The following SAMHD1 variants were observed in gnomAD, a reference collection of about 807,000 sequenced individuals.
SAMHD1 encodes deoxynucleoside triphosphate triphosphohydrolase SAMHD1.
Under a neutral mutation model 79.6 loss-of-function variants are expected in SAMHD1, and 54 were observed. That is an observed-to-expected ratio of 0.68 (90% CI 0.55 to 0.85). The LOEUF (loss-of-function observed/expected upper bound fraction) is 0.85. SAMHD1 is among the 40% of genes least tolerant of loss of function. The pLI is 0.00. For synonymous variants in SAMHD1, 260 were observed against 264.1 expected (o/e 0.98, Z 0.15); for missense variants, 663 against 782.7 (o/e 0.85, Z 1.82).
chr20:36,937,855 GGTTT>G (rs1249781490), intron 3 of SAMHD1, among the ~76,000 whole-genome samples: 6 of 125,350 alleles, frequency 4.8e-5, no homozygotes, highest in Non-Finnish European at 7.8e-5. Flanking sequence ...AAACAATGTT[GGTTT>G]GTTTTTTTTT....
intron 1 of SAMHD1, among the ~76,000 whole-genome samples, chr20:36,948,627 G>C (rs1186084181): frequency 6.6e-6 from 1 of 151,556 alleles, no homozygotes; most frequent in Non-Finnish European, 1.5e-5. Flanking sequence ...CCAGCACTTT[G>C]GGAGGCCAAG....
intron 15 of SAMHD1, chr20:36,893,798 T>C (rs1319868725): frequency 5.0e-6 from 2 of 398,110 alleles, no homozygotes; most frequent in East Asian, 3.6e-5. Context: ...GCTTATTTGC[T>C]CTCAGATCCA....
chr20:36,907,539 CTTT>C (rs71186087), intron 11 of SAMHD1, among the ~76,000 whole-genome samples: 5 of 125,852 alleles, frequency 4.0e-5, no homozygotes, highest in Admixed American at 8.8e-5. Flanking sequence ...ATAAAGATGA[CTTT>C]TTTTTTTTTT....
chr20:36,943,712 G>A (rs561137604), intron 2 of SAMHD1, among the ~76,000 whole-genome samples: 1 of 152,268 alleles, frequency 6.6e-6, no homozygotes, highest in Admixed American at 6.5e-5. Context: ...AGGTCAAATA[G>A]TAAGCAACTA....
At chr20:36,947,209 T>C (rs2063692347) in intron 1 of SAMHD1, 1 of 245,616 alleles carries the variant, frequency 4.1e-6, no homozygotes, top group Admixed American at 5.2e-5. Flanking sequence ...AAGTCTATTG[T>C]TCTTAGAATT....
chr20:36,912,095 C>A, intron 10 of SAMHD1: 2 of 242,394 alleles, frequency 8.3e-6, no homozygotes, highest in Non-Finnish European at 1.6e-5. Context: ...TGTCATTAAT[C>A]TCAGAATTTA....
intron 6 of SAMHD1, 29 bp from the exon 7 acceptor site, chr20:36,919,548 T>C (rs199629731): frequency 1.6e-5 from 25 of 1,610,392 alleles, no homozygotes; most frequent in Admixed American, 8.3e-5. Flanking sequence ...ATATGATGTG[T>C]TAAAGATTCT....
At position 36,899,418 on chromosome 20, in the gene SAMHD1, A is replaced by G. The variant is rs571259851; in HGVS notation, c.1504-874T>C. On this transcript the variant is annotated intron_variant, in intron 13 of 15. Coordinates refer to ENST00000646673, the MANE Select transcript of SAMHD1 (RefSeq NM_015474.4). ...ACTCCAGCCTAGGCAACAGAGCAAG[A>G]CTCTGCCTCCAAAAATAAATAAGTA... is the stretch of plus-strand genomic sequence containing the variant. 5.9e-5 allele frequency among the ~76,000 whole-genome samples: 9 copies of G among 152,182 alleles called. 1 individual carries two copies. The South Asian group carries it at 1.7e-3, about 28-fold the overall frequency.
At chr20:36,946,040 TGGGAGGCCGAGGCAAGC>T (rs1253735338) in intron 2 of SAMHD1, among the ~76,000 whole-genome samples, 1 of 151,784 alleles carries the variant, frequency 6.6e-6, no homozygotes, top group African/African-American at 2.4e-5. Context: ...CTCAGCACTT[TGGGAGGCCGAGGCAAGC>T]GGATCACTTG....
chr20:36,941,122 A>G lies in SAMHD1; in HGVS notation c.276-11T>C. The G allele has an allele frequency of 6.3e-7, 1 of 1,587,348 alleles. No homozygotes were observed. The highest frequency in any genetic ancestry group is 8.6e-7 in the Non-Finnish European group (1 of 1,156,094). On this transcript the variant is annotated splice_polypyrimidine_tract_variant and intron_variant, in intron 2 of 15. Transcript: ENST00000646673. ...CTCTCCCCCAAGGAACTAAAATTAC[A>G]ATAGGATAAGCAAGTCTATCATTAT...
At chr20:36,906,248 G>C (rs1484902705) in intron 11 of SAMHD1, among the ~76,000 whole-genome samples, 9 of 152,164 alleles carry the variant, frequency 5.9e-5, no homozygotes, top group Non-Finnish European at 1.2e-4. Context: ...GACCAGCCTG[G>C]CCAACATGGC....
At chr20:36,893,607 G>A (rs1040383234) in intron 15 of SAMHD1, 4 of 336,790 alleles carry the variant, frequency 1.2e-5, no homozygotes, top group African/African-American at 4.3e-5. Flanking sequence ...TCCAAAGGGA[G>A]GCGATACAAT....
intron 9 of SAMHD1, among the ~76,000 whole-genome samples, chr20:36,913,455 T>C (rs1301480670): frequency 3.3e-5 from 5 of 151,300 alleles, no homozygotes; most frequent in Non-Finnish European, 7.4e-5. Context: ...ATACAAAAAT[T>C]AGCCGGGCAT....
Position 36,916,721 on chromosome 20 carries a change from C to T in SAMHD1, c.1062+1G>A. 6.2e-7 allele frequency: 1 copy of T among 1,605,300 alleles called. No homozygotes were observed. Among genetic ancestry groups the T allele is most frequent in the Non-Finnish European group, 8.5e-7 (1 of 1,172,056 alleles). ...TTATTGCCTCCTCTGGCACAGCTTA[C>T]CTTATCTCTAGCACAAATACGCAAC... On this transcript the variant is annotated splice_donor_variant, in intron 9 of 15. Transcript: ENST00000646673. LOFTEE classifies it high-confidence loss of function.
rs1568782455 is a variant in SAMHD1 at position 36,941,120 on chromosome 20, A to G, written c.276-9T>C. 1 of 1,588,448 alleles carries G rather than the reference A, an allele frequency of 6.3e-7. No individual in the cohort carries two copies. The highest frequency in any genetic ancestry group is 8.6e-7 in the Non-Finnish European group (1 of 1,157,062). On this transcript the variant is annotated splice_polypyrimidine_tract_variant and intron_variant, in intron 2 of 15. Transcript: ENST00000646673. ...TCCTCTCCCCCAAGGAACTAAAATT[A>G]CAATAGGATAAGCAAGTCTATCATT...
chr20:36,928,379 A>T (rs993931462), intron 5 of SAMHD1, among the ~76,000 whole-genome samples: 1 of 148,364 alleles, frequency 6.7e-6, no homozygotes, highest in Non-Finnish European at 1.5e-5. Flanking sequence ...ACAGAGCAAG[A>T]CTCCATCTCA....
In SAMHD1 at chr20:36,920,494, C is replaced by T. The variant is rs139275395; in HGVS notation, c.697-975G>A. Reference sequence around the variant, plus strand: ...GAATCAGGGCTGTCAGGCCTGGGTGCGGTGGCTCACACCTGTAATCCCAGC... The same window carrying T: ...GAATCAGGGCTGTCAGGCCTGGGTGTGGTGGCTCACACCTGTAATCCCAGC... On this transcript the variant is annotated intron_variant, in intron 6 of 15. Coordinates refer to ENST00000646673, the MANE Select transcript of SAMHD1 (RefSeq NM_015474.4). Among the ~76,000 whole-genome samples the T allele has an allele frequency of 3.5e-3, 534 of 152,206 alleles. 3 individuals carry two copies. Among genetic ancestry groups the T allele is most frequent in the African/African-American group, 0.012 (515 of 41,518 alleles).
chr20:36,898,662 C>T, intron 13 of SAMHD1, 118 bp from the exon 14 acceptor site: 1 of 793,942 alleles, frequency 1.3e-6, no homozygotes, highest in Non-Finnish European at 2.1e-6. Context: ...GCCTATAATC[C>T]CAGCACTTTG....
At position 36,912,555 on chromosome 20, in the gene SAMHD1, G is replaced by T; in HGVS notation, c.1063-3C>A. The T allele has an allele frequency of 2.5e-6, 4 of 1,593,510 alleles. No homozygotes were observed. Among genetic ancestry groups the T allele is most frequent in the Non-Finnish European group, 3.4e-6 (4 of 1,161,794 alleles). On this transcript the variant is annotated splice_region_variant and splice_polypyrimidine_tract_variant and intron_variant, in intron 9 of 15. Coordinates refer to ENST00000646673, the MANE Select transcript of SAMHD1 (RefSeq NM_015474.4). ...ATGTCATACAGATTTCCAACTTCCTGCAGGAAAACATGAAGTAAATATTAA... is the reference window on the plus strand; with the variant it reads ...ATGTCATACAGATTTCCAACTTCCTTCAGGAAAACATGAAGTAAATATTAA...
Sources: allele counts gnomAD v4.1 joint callset (sites outside exome capture counted in the v4.1 genomes callset), GRCh38; gene constraint gnomAD v4.1.1; transcripts MANE v1.5; gene names NCBI Gene and HGNC (gene_info 2026-07-23, HGNC 2026-07-21).